The following EDNRA variants were observed in gnomAD, a reference collection of about 807,000 sequenced individuals.
EDNRA encodes the protein endothelin receptor type A.
EDNRA carries 11 observed loss-of-function variants against 41.4 expected under a neutral mutation model. The ratio of observed to expected loss-of-function variants is 0.27; its 90% CI spans 0.17 to 0.44. EDNRA has a LOEUF of 0.44. Among genes scored for constraint, EDNRA ranks in the 20% least tolerant of loss-of-function variants. EDNRA has a pLI of 1.00. For synonymous variants in EDNRA, 172 were observed against 183.0 expected, an observed-to-expected ratio of 0.94 and a Z score of 0.49; for missense variants, 294 against 531.0, an observed-to-expected ratio of 0.55 and a Z score of 4.39.
chr4:147,507,216 GAA>G (rs34825006), intron 2 of EDNRA, among the ~76,000 whole-genome samples: 71 of 129,348 alleles, frequency 5.5e-4, no homozygotes, highest in African/African-American at 2.3e-3. Flanking sequence ...TTTGAGGGGG[GAA>G]AAAAAAAAAC....
intron 5 of EDNRA, among the ~76,000 whole-genome samples, chr4:147,537,855 CTAAG>C (rs1347512273): frequency 2.8e-5 from 2 of 70,790 alleles, no homozygotes; most frequent in Non-Finnish European, 5.1e-5. Context: ...GTAGCAAATC[CTAAG>C]TACAGAAGAG....
chr4:147,493,155 A>C (rs1255705687), intron 2 of EDNRA: 1 of 152,170 alleles, frequency 6.6e-6, no homozygotes, highest in Non-Finnish European at 1.5e-5. Context: ...CAAAGAGTTC[A>C]TTTAGCTCAT....
intron 1 of EDNRA, among the ~76,000 whole-genome samples, chr4:147,484,085 C>T (rs1043722492): frequency 3.9e-5 from 6 of 152,052 alleles, no homozygotes; most frequent in Non-Finnish European, 8.8e-5. Flanking sequence ...CGTACACACA[C>T]CACCGCATAA....
chr4:147,508,696 C>T (rs1303694470), intron 2 of EDNRA, among the ~76,000 whole-genome samples: 1 of 152,156 alleles, frequency 6.6e-6, no homozygotes, highest in African/African-American at 2.4e-5. Context: ...TTTTTCAACA[C>T]CATTCTTTGA....
intron 3 of EDNRA, among the ~76,000 whole-genome samples, 181 bp from the exon 4 acceptor site, chr4:147,532,325 C>CAAAAAAAAAAAAAAAAAAAAAAAAAA (rs59851236): frequency 1.7e-5 from 1 of 60,388 alleles, no homozygotes; most frequent in African/African-American, 6.3e-5. Flanking sequence ...GATTTTGCCT[C>CAAAAAAAAAAAAAAAAAAAAAAAAAA]AAAAAAAAAA....
chr4:147,523,560 G>C (rs567742250), intron 3 of EDNRA, among the ~76,000 whole-genome samples: 5 of 149,644 alleles, frequency 3.3e-5, no homozygotes, highest in Admixed American at 3.3e-4. Context: ...GCTTGATCTC[G>C]GCTCACTGCA....
At chr4:147,501,519 C>T (rs189729657) in intron 2 of EDNRA, among the ~76,000 whole-genome samples, 186 of 152,310 alleles carry the variant, frequency 1.2e-3, no homozygotes, top group Middle Eastern at 3.4e-3. Context: ...TTTCCCCACT[C>T]CCACCCTCTA....
At chr4:147,521,011 C>T (rs1247959756) in intron 3 of EDNRA, among the ~76,000 whole-genome samples, 1 of 152,144 alleles carries the variant, frequency 6.6e-6, no homozygotes, top group African/African-American at 2.4e-5. Context: ...AATCCTAGCA[C>T]TTTAGGAGGC....
chr4:147,520,464 A>G (rs1730284503), intron 3 of EDNRA: 1 of 518,894 alleles, frequency 1.9e-6, no homozygotes, highest in South Asian at 1.4e-5. Context: ...GCAACACCAG[A>G]AGCATCCCTT....
chr4:147,506,340 T>G (rs1467392905), intron 2 of EDNRA: 1 of 426,910 alleles, frequency 2.3e-6, no homozygotes, highest in Non-Finnish European at 4.6e-6. Context: ...TAAGCTGTCT[T>G]CGGAAGGAAT....
At position 147,485,689 on chromosome 4, in the gene EDNRA, C is replaced by T. The variant is rs202082973; in HGVS notation, c.8C>T (p.Thr3Ile). ...CCTCAAATTTGCCTCAAGATGGAAA[C>T]CCTTTGCCTCAGGGCATCCTTTTGG... ME[T>I]LCLRASFWLA... Residue 3 changes from threonine to isoleucine, a missense_variant, in exon 2 of 8, where the codon ACC becomes ATC. Coordinates refer to ENST00000651419, the MANE Select transcript of EDNRA (RefSeq NM_001957.4). The T allele has an allele frequency of 6.2e-7, 1 of 1,600,042 alleles. No homozygotes were observed.
intron 3 of EDNRA, among the ~76,000 whole-genome samples, chr4:147,523,648 G>A (rs985715246): frequency 6.6e-6 from 1 of 151,612 alleles, no homozygotes; most frequent in Admixed American, 6.6e-5. Flanking sequence ...CCACCACCAC[G>A]CCCGGCTTAT....
At chr4:147,500,915 C>T (rs928642149) in intron 2 of EDNRA, among the ~76,000 whole-genome samples, 5 of 152,182 alleles carry the variant, frequency 3.3e-5, no homozygotes, top group Admixed American at 2.6e-4. Context: ...GTGAAAGCAG[C>T]TTGAAGAACC....
chr4:147,504,957 C>CTAAAAAAAAA (rs1729637701), intron 2 of EDNRA, among the ~76,000 whole-genome samples: 1 of 39,046 alleles, frequency 2.6e-5, no homozygotes, highest in Non-Finnish European at 4.6e-5. Flanking sequence ...GACCCTGTCT[C>CTAAAAAAAAA]AAAAAAAAAA....
chr4:147,487,633 T>A (rs1199736732), intron 2 of EDNRA, among the ~76,000 whole-genome samples: 2 of 152,244 alleles, frequency 1.3e-5, no homozygotes, highest in Non-Finnish European at 2.9e-5. Context: ...GGTTAAATTA[T>A]ATTACCCTAG....
chr4:147,495,797 C>A (rs183968495), intron 2 of EDNRA: 5 of 152,292 alleles, frequency 3.3e-5, no homozygotes, highest in Admixed American at 1.3e-4. Flanking sequence ...ACTGATAAAG[C>A]TAGAGGTTGC....
intron 3 of EDNRA, among the ~76,000 whole-genome samples, chr4:147,532,113 C>T (rs1189573876): frequency 3.4e-5 from 5 of 144,998 alleles, no homozygotes; most frequent in Non-Finnish European, 7.5e-5. Context: ...GAGATCGAGA[C>T]CATCCTGGCT....
intron 1 of EDNRA, among the ~76,000 whole-genome samples, chr4:147,484,745 G>A (rs568774000): frequency 2.6e-5 from 4 of 152,264 alleles, no homozygotes; most frequent in South Asian, 2.1e-4. Context: ...GGCAAATACC[G>A]TATTGTGATG....
chr4:147,486,093 G>T lies in EDNRA; in HGVS notation c.412G>T (p.Val138Leu). Residue 138 changes from valine to leucine, a missense_variant, in exon 2 of 8, where the codon GTA (valine) becomes TTA (leucine). Coordinates refer to ENST00000651419, the MANE Select transcript of EDNRA (RefSeq NM_001957.4). This position sits in a 1 kb window ranked among gnomAD's most constrained non-coding sequence, Gnocchi z 4.3. The stretch of plus-strand genomic sequence containing the variant: ...TGTGGTCATTGATCTCCCTATCAAT[G>T]TATTTAAGGTAGGAAGTAACCACAA... ...IYVVIDLPIN[V>L]FKLLAGRWPF... 6.2e-7 allele frequency: 1 copy of T among 1,607,218 alleles called. No individual in the cohort carries two copies. The highest frequency in any genetic ancestry group is 8.5e-7 in the Non-Finnish European group (1 of 1,175,430).
Sources: gnomAD v4.1 joint callset for allele counts (sites outside exome capture counted in the v4.1 genomes callset) on GRCh38, gnomAD v4.1.1 for gene constraint, Gnocchi (gnomAD v3.1) non-coding constraint, MANE v1.5 for transcripts, NCBI Gene and HGNC (gene_info 2026-07-23, HGNC 2026-07-21) for gene names.